MAGEB3: variants seen among roughly 807,000 people sequenced by gnomAD.
MAGEB3 encodes MAGE family member B3.
For synonymous variants in MAGEB3, 91 were observed against 93.0 expected, an observed-to-expected ratio of 0.98 and a Z score of 0.12; for missense variants, 191 against 262.4, an observed-to-expected ratio of 0.73 and a Z score of 1.88.
chrX:30,237,290 T>C lies in MAGEB3; in HGVS notation c.*325T>C. 1 of 205,829 alleles carries C rather than the reference T, an allele frequency of 4.9e-6. No individual in the cohort carries two copies. Among genetic ancestry groups the C allele is most frequent in the Non-Finnish European group, 9.4e-6 (1 of 106,437 alleles). 17.0% of individuals were successfully genotyped at this position (205,829 alleles called of 1,213,427 possible). On this transcript the variant is annotated 3_prime_UTR_variant, in exon 5 of 5. Coordinates refer to ENST00000361644, the MANE Select transcript of MAGEB3 (RefSeq NM_002365.5). ...GATAACTTGGAATTAGAATAAGCAT[T>C]TCCTTGAAAATGTTTAAAAAAAAAA... is the stretch of plus-strand genomic sequence containing the variant.
chrX:30,237,266 A>G lies in MAGEB3; in HGVS notation c.*301A>G, dbSNP rs1026743395. 2.9e-5 allele frequency: 7 copies of G among 237,618 alleles called. No individual in the cohort carries two copies. The Admixed American group carries it at 3.3e-4, about 11-fold the overall frequency. 19.6% of individuals were successfully genotyped at this position (237,618 alleles called of 1,213,427 possible). On this transcript the variant is annotated 3_prime_UTR_variant, in exon 5 of 5. Coordinates refer to ENST00000361644, the MANE Select transcript of MAGEB3 (RefSeq NM_002365.5). ...ATCTTATTTAGTGATCTGTTGCAAG[A>G]TAACTTGGAATTAGAATAAGCATTT...
At chrX:30,237,490 GAC>G (rs1023944549) in exon 5 of MAGEB3, 1 of 122,657 alleles carries the variant, frequency 8.2e-6, no homozygotes, top group African/African-American at 3.3e-5. Context: ...ACCTCATGCT[GAC>G]ACACTCATTC....
At chrX:30,231,695 A>G (rs1410737440) in intron 2 of MAGEB3, 77 bp downstream of exon 2, 2 of 97,948 alleles carry the variant, frequency 2.0e-5, no homozygotes, top group Admixed American at 1.1e-4. Context: ...AAAAAAAAAA[A>G]AAAAAAAGAA....
intron 2 of MAGEB3, among the ~76,000 whole-genome samples, chrX:30,232,343 C>A (rs1364803011): frequency 9.0e-6 from 1 of 111,193 alleles, no homozygotes; most frequent in Non-Finnish European, 1.9e-5. Context: ...CAAGCCGGTA[C>A]GGCGTCTCAG....
At chrX:30,234,110 G>T (rs1178962144) in intron 4 of MAGEB3, among the ~76,000 whole-genome samples, 3 of 111,411 alleles carry the variant, frequency 2.7e-5, no homozygotes, top group Admixed American at 9.5e-5. Flanking sequence ...TCTCACTGCT[G>T]CTAGCCAGTT....
Position 30,236,128 on chromosome X carries a change from A to G in MAGEB3, c.204A>G (p.Ala68=). Residue 68 remains alanine, a synonymous_variant, in exon 5 of 5, where the codon GCA becomes GCG. Coordinates refer to ENST00000361644, the MANE Select transcript of MAGEB3 (RefSeq NM_002365.5). ...GTGCTCTCAAGAAGCCTCAGAGAGC[A>G]CTATCCACCACTACATCTGTAGATG... is the stretch of plus-strand genomic sequence containing the variant. ...SRSALKKPQR[A]LSTTTSVDVS... is the part of the protein sequence containing the mutation. The G allele has an allele frequency of 8.3e-7, 1 of 1,206,608 alleles. No homozygotes were observed. The highest frequency in any genetic ancestry group is 1.1e-6 in the Non-Finnish European group (1 of 892,651).
At chrX:30,235,337 G>A (rs923460318) in intron 4 of MAGEB3, among the ~76,000 whole-genome samples, 1 of 111,478 alleles carries the variant, frequency 9.0e-6, no homozygotes, top group Non-Finnish European at 1.9e-5. Flanking sequence ...CCTATCTAGA[G>A]ACAAGATGAG....
intron 4 of MAGEB3, among the ~76,000 whole-genome samples, chrX:30,234,739 C>T (rs2147338268): frequency 9.0e-6 from 1 of 111,400 alleles, no homozygotes; most frequent in East Asian, 2.9e-4. Flanking sequence ...GAAGCAATCT[C>T]TCTGCAATAG....
At chrX:30,233,232 A>T (rs1030902910) in intron 3 of MAGEB3, 30 bp from the exon 4 acceptor site, 3 of 90,312 alleles carry the variant, frequency 3.3e-5, no homozygotes, top group African/African-American at 1.3e-4. Context: ...AAATAAATAG[A>T]TATAAACTTT....
At chrX:30,233,098 G>A (rs1363123198) in intron 3 of MAGEB3, among the ~76,000 whole-genome samples, 164 bp from the exon 4 acceptor site, 1 of 108,737 alleles carries the variant, frequency 9.2e-6, no homozygotes, top group African/African-American at 3.4e-5. Context: ...CCAGCTATTC[G>A]GGAGGTGGAG....
At chrX:30,233,129 C>T (rs1601960988) in intron 3 of MAGEB3, 133 bp from the exon 4 acceptor site, 1 of 109,552 alleles carries the variant, frequency 9.1e-6, no homozygotes, top group East Asian at 2.9e-4. Context: ...CCCTTGAACC[C>T]GGGAGGCAGA....
In MAGEB3 at chrX:30,236,184, A is replaced by T. The variant is rs750532535; in HGVS notation, c.260A>T (p.Asn87Ile). The change falls in exon 5 of 5, where the codon AAC becomes ATC. Residue 87 changes from asparagine (N) to isoleucine (I), a missense_variant. Physicochemically the swap from Asn to Ile is moderately radical, Grantham distance 149. Transcript: ENST00000361644. The part of the protein sequence containing the change: ...VSYKKSYKGA[N>I]SKIEKKQSFS... ...TACAAAAAGTCATACAAGGGAGCCA[A>T]CAGCAAAATTGAGAAAAAGCAAAGC... is the stretch of plus-strand genomic sequence containing the variant. The T allele has an allele frequency of 9.1e-6, 11 of 1,209,079 alleles. No individual in the cohort carries two copies. The highest frequency in any genetic ancestry group is 1.2e-5 in the Non-Finnish European group (11 of 894,784).
At chrX:30,232,270 T>C (rs1264639138) in intron 2 of MAGEB3, among the ~76,000 whole-genome samples, 2 of 111,518 alleles carry the variant, frequency 1.8e-5, no homozygotes, top group Non-Finnish European at 1.9e-5. Flanking sequence ...GAAGGCTTTC[T>C]CTAACAGGGC....
intron 2 of MAGEB3, 58 bp downstream of exon 2, chrX:30,231,676 C>CAAAAAAAAAAAAA (rs747591707): frequency 1.8e-4 from 5 of 28,087 alleles, no homozygotes; most frequent in African/African-American, 4.1e-4. Flanking sequence ...GCCCCTGTCA[C>CAAAAAAAAAAAAA]AAAAAAAAAA....
rs1039392156 is a variant in MAGEB3 at position 30,236,008 on chromosome X, T to A, written c.84T>A (p.Ala28=). ...GTCAGACCCAGGATCACCAGGGTGCTCAGATCACTGCAACTAACAAGAAAA... is the reference window on the plus strand; with the variant it reads ...GTCAGACCCAGGATCACCAGGGTGCACAGATCACTGCAACTAACAAGAAAA... ...TRGQTQDHQG[A]QITATNKKKV... Residue 28 remains alanine (A), a synonymous_variant, in exon 5 of 5, where the codon GCT becomes GCA. Transcript: ENST00000361644. 1 of 1,210,853 alleles carries A rather than the reference T, an allele frequency of 8.3e-7. No homozygotes were observed. The highest frequency in any genetic ancestry group is 1.1e-6 in the Non-Finnish European group (1 of 894,868).
chrX:30,237,251 G>A lies in MAGEB3; in HGVS notation c.*286G>A, dbSNP rs899160262. The A allele has an allele frequency of 1.3e-4, 34 of 254,983 alleles. No individual in the cohort carries two copies. Among genetic ancestry groups the A allele is most frequent in the Non-Finnish European group, 2.2e-4 (31 of 138,310 alleles). The allele number at this position is 254,983 out of a possible 1,213,427, so 21.0% of individuals were successfully genotyped here. ...ATTGAGAAAAATTCGATCTTATTTA[G>A]TGATCTGTTGCAAGATAACTTGGAA... On this transcript the variant is annotated 3_prime_UTR_variant, in exon 5 of 5. Transcript: ENST00000361644.
rs770379507 is a variant in MAGEB3 at position 30,236,146 on chromosome X, T to G, written c.222T>G (p.Ser74=). ...AGAGAGCACTATCCACCACTACATC[T>G]GTAGATGTTTCTTACAAAAAGTCAT... is the stretch of plus-strand genomic sequence containing the variant. ...KPQRALSTTT[S]VDVSYKKSYK... The change falls in exon 5 of 5, where the codon TCT becomes TCG. Residue 74 remains serine, a synonymous_variant. Transcript: ENST00000361644. 2.0e-5 allele frequency: 24 copies of G among 1,208,091 alleles called. No homozygotes were observed. In the South Asian group the frequency reaches 3.7e-4, roughly 19 times the overall value.
chrX:30,234,088 T>C (rs1414689263), intron 4 of MAGEB3, among the ~76,000 whole-genome samples: 1 of 111,712 alleles, frequency 9.0e-6, no homozygotes, highest in African/African-American at 3.3e-5. Context: ...TTTTATTTTT[T>C]TTCAGACAAG....
At chrX:30,233,768 C>T (rs1346818464) in intron 4 of MAGEB3, among the ~76,000 whole-genome samples, 2 of 112,079 alleles carry the variant, frequency 1.8e-5, no homozygotes, top group Non-Finnish European at 3.8e-5. Flanking sequence ...CAGAGCGGGA[C>T]GTGTCTCACC....
Sources: gnomAD v4.1 joint callset for allele counts (sites outside exome capture counted in the v4.1 genomes callset) on GRCh38, gnomAD v4.1.1 for gene constraint, MANE v1.5 for transcripts, NCBI Gene and HGNC (gene_info 2026-07-23, HGNC 2026-07-21) for gene names.